ATP9B: variants seen among roughly 807,000 people sequenced by gnomAD.
ATP9B encodes ATPase phospholipid transporting 9B, also known as probable phospholipid-transporting ATPase IIB.
A neutral mutation model predicts 146.1 loss-of-function variants in ATP9B; 110 were observed. The ratio of observed to expected loss-of-function variants is 0.75; its 90% confidence interval spans 0.65 to 0.88. The LOEUF is 0.88. Among genes scored for constraint, ATP9B ranks in the 40% least tolerant of loss-of-function variants. The pLI is 0.00. For synonymous variants in ATP9B, 604 were observed against 569.7 expected, an observed-to-expected ratio of 1.06 and a Z score of -0.86; for missense variants, 1,499 against 1,496.4, an observed-to-expected ratio of 1.00 and a Z score of -0.03.
intron 11 of ATP9B, among the ~76,000 whole-genome samples, chr18:79,246,365 CTGAGGAGGGCACCGCCCTACTGACTG>C (rs2095962952): frequency 1.4e-5 from 2 of 146,804 alleles, no homozygotes; most frequent in Admixed American, 6.7e-5. Context: ...GCCCTACTGA[CTGAGGAGGGCACCGCCCTACTGACTG>C]TGAGGAGGAC....
chr18:79,174,085 T>C (rs907929989), intron 7 of ATP9B: 1 of 298,004 alleles, frequency 3.4e-6, no homozygotes. Context: ...TTTAAAAATT[T>C]AATGTTCAGC....
intron 4 of ATP9B, among the ~76,000 whole-genome samples, chr18:79,119,281 G>C (rs2094148403): frequency 6.6e-6 from 1 of 152,102 alleles, no homozygotes; most frequent in South Asian, 2.1e-4. Flanking sequence ...TATTTGATTT[G>C]TTCACAAAAT....
chr18:79,238,410 A>G (rs530000772), intron 11 of ATP9B, among the ~76,000 whole-genome samples: 56 of 152,334 alleles, frequency 3.7e-4, no homozygotes, highest in African/African-American at 1.0e-3. Context: ...GGAACACATC[A>G]GGAGCATGTG....
At chr18:79,217,420 G>A (rs551691442) in intron 11 of ATP9B, among the ~76,000 whole-genome samples, 22 of 152,244 alleles carry the variant, frequency 1.4e-4, no homozygotes, top group African/African-American at 4.6e-4. Flanking sequence ...TCCTGACCTC[G>A]TGATCCGCCC....
intron 15 of ATP9B, among the ~76,000 whole-genome samples, chr18:79,310,167 G>T (rs1483927354): frequency 6.6e-6 from 1 of 152,148 alleles, no homozygotes; most frequent in African/African-American, 2.4e-5. Context: ...TTGCAGCAGA[G>T]ACTCAAGTCC....
intron 15 of ATP9B, among the ~76,000 whole-genome samples, chr18:79,325,352 A>G (rs1044028609): frequency 2.4e-4 from 37 of 152,178 alleles, no homozygotes; most frequent in African/African-American, 8.9e-4. Context: ...GATAGTAGTT[A>G]CAGTTTCTCT....
chr18:79,367,634 G>A (rs545885780), intron 26 of ATP9B, among the ~76,000 whole-genome samples: 5 of 152,258 alleles, frequency 3.3e-5, no homozygotes, highest in African/African-American at 7.2e-5. Flanking sequence ...TGGAGGCCCC[G>A]CTGGGGCACC....
intron 28 of ATP9B, 22 bp from the exon 29 acceptor site, chr18:79,375,372 C>G (rs779467419): frequency 6.3e-7 from 1 of 1,597,292 alleles, no homozygotes; most frequent in South Asian, 1.1e-5. Flanking sequence ...CCTTTATTTT[C>G]TTTATTACTG....
At chr18:79,285,910 CA>C (rs1568576625) in intron 13 of ATP9B, among the ~76,000 whole-genome samples, 1 of 150,316 alleles carries the variant, frequency 6.7e-6, no homozygotes, top group Non-Finnish European at 1.5e-5. Flanking sequence ...TCAGGTTTGT[CA>C]AAGATCAGAT....
chr18:79,160,165 A>G (rs1262825562), intron 7 of ATP9B, among the ~76,000 whole-genome samples: 2 of 152,158 alleles, frequency 1.3e-5, no homozygotes, highest in African/African-American at 4.8e-5. Context: ...CATCATTTCT[A>G]TTATAATGTA....
chr18:79,373,193 T>C (rs2148018774), intron 27 of ATP9B, among the ~76,000 whole-genome samples: 1 of 152,294 alleles, frequency 6.6e-6, no homozygotes, highest in Non-Finnish European at 1.5e-5. Flanking sequence ...TAAAAAGACT[T>C]TGAGAAATCT....
intron 4 of ATP9B, among the ~76,000 whole-genome samples, chr18:79,125,684 A>G (rs2094273093): frequency 6.6e-6 from 1 of 152,214 alleles, no homozygotes; most frequent in Non-Finnish European, 1.5e-5. Flanking sequence ...ACAATAAATT[A>G]TGAGAATATA....
chr18:79,192,553 A>G (rs2095377720), intron 8 of ATP9B, among the ~76,000 whole-genome samples: 1 of 152,206 alleles, frequency 6.6e-6, no homozygotes. Context: ...ATGTGTAGCC[A>G]ATGAATGAAG....
intron 8 of ATP9B, among the ~76,000 whole-genome samples, chr18:79,184,890 C>T (rs141565343): frequency 4.1e-4 from 62 of 152,016 alleles, no homozygotes; most frequent in African/African-American, 1.3e-3. Flanking sequence ...GCAAGTCACA[C>T]TAAATGATAA....
At chr18:79,304,603 G>A (rs899072095) in intron 14 of ATP9B, among the ~76,000 whole-genome samples, 1 of 152,180 alleles carries the variant, frequency 6.6e-6, no homozygotes, top group Non-Finnish European at 1.5e-5. Context: ...TGTACCACTT[G>A]CCAGAGATTT....
At position 79,253,431 on chromosome 18, in the gene ATP9B, G is replaced by C; in HGVS notation, c.1158G>C (p.Leu386Phe). Residue 386 changes from leucine (L) to phenylalanine (F), a missense_variant, in exon 12 of 30, where the codon TTG becomes TTC. By Grantham distance (22) the Leu-to-Phe change is conservative (BLOSUM62 0). Coordinates refer to ENST00000426216, the MANE Select transcript of ATP9B (RefSeq NM_198531.5). ...ELNRLTKALF[L>F]ALVALSIVMV... ...ATCGGCTGACGAAAGCGCTATTTTT[G>C]GCTTTAGTTGCTCTTTCCATTGTTA... The C allele has an allele frequency of 6.2e-7, 1 of 1,612,652 alleles. No individual in the cohort carries two copies. Among genetic ancestry groups the C allele is most frequent in the Non-Finnish European group, 8.5e-7 (1 of 1,179,610 alleles).
At chr18:79,141,262 G>T (rs2094510300) in intron 5 of ATP9B, among the ~76,000 whole-genome samples, 1 of 152,106 alleles carries the variant, frequency 6.6e-6, no homozygotes, top group Non-Finnish European at 1.5e-5. Context: ...GGACGTGTTT[G>T]CTTTCCCTTC....
chr18:79,215,262 A>G (rs1197016900), intron 11 of ATP9B, among the ~76,000 whole-genome samples: 1 of 152,148 alleles, frequency 6.6e-6, no homozygotes, highest in East Asian at 1.9e-4. Flanking sequence ...CCAACCCTAT[A>G]AAGTCCTAGG....
At chr18:79,168,574 GT>G (rs1181143394) in intron 7 of ATP9B, among the ~76,000 whole-genome samples, 1 of 152,112 alleles carries the variant, frequency 6.6e-6, no homozygotes, top group African/African-American at 2.4e-5. Context: ...AATAGGGACA[GT>G]TTTTCCTTCT....
Sources: gnomAD v4.1 joint callset for allele counts (sites outside exome capture counted in the v4.1 genomes callset) on GRCh38, gnomAD v4.1.1 for gene constraint, MANE v1.5 for transcripts, NCBI Gene and HGNC (gene_info 2026-07-23, HGNC 2026-07-21) for gene names.